The following ARMC7 variants were observed in gnomAD, a reference collection of about 807,000 sequenced individuals.
ARMC7 encodes the protein armadillo repeat containing 7.
ARMC7 carries 9 observed loss-of-function variants against 14.8 expected under a neutral mutation model. The observed-to-expected ratio is 0.61, with a 90% CI of 0.37 to 1.06. The LOEUF is 1.06. ARMC7 is among the 50% of genes least tolerant of loss of function. The probability of loss-of-function intolerance (pLI) is 0.01; values close to 1 mark genes in which losing one functional copy is unlikely to be tolerated. For synonymous variants in ARMC7, 125 were observed against 123.4 expected (o/e 1.01, Z -0.09); for missense variants, 262 against 267.1 (o/e 0.98, Z 0.13).
intron 2 of ARMC7, among the ~76,000 whole-genome samples, chr17:75,113,912 G>T (rs753669645): frequency 5.3e-5 from 8 of 152,176 alleles, no homozygotes; most frequent in Admixed American, 5.2e-4. Context: ...TGCAGCCGTG[G>T]GAGCAGGTTT....
Position 75,129,387 on chromosome 17 carries a change from C to T in ARMC7, c.*349C>T, listed in dbSNP as rs1190267893. On this transcript the variant is annotated 3_prime_UTR_variant, in exon 3 of 3. Coordinates refer to ENST00000245543, the MANE Select transcript of ARMC7 (RefSeq NM_024585.4). Reference sequence around the variant, plus strand: ...GTGTTCTCAGGAGCTGGGCCTGAGGCTTAGGAGAGCTGCCTTCGCTGCAGG... The same window carrying T: ...GTGTTCTCAGGAGCTGGGCCTGAGGTTTAGGAGAGCTGCCTTCGCTGCAGG... 1 of 328,574 alleles carries T rather than the reference C, an allele frequency of 3.0e-6. No homozygotes were observed. The highest frequency in any genetic ancestry group is 5.7e-5 in the East Asian group (1 of 17,628). 20.4% of individuals were successfully genotyped at this position (328,574 alleles called of 1,614,324 possible). A position where few individuals can be genotyped will look rare whatever the true frequency, so the allele number is the denominator to read the frequency against.
intron 1 of ARMC7, 24 bp downstream of exon 1, chr17:75,110,403 T>G (rs968816343): frequency 1.1e-5 from 18 of 1,614,022 alleles, no homozygotes; most frequent in Non-Finnish European, 1.3e-5. Context: ...TGGGATCAGG[T>G]GGCAGGGTCC....
chr17:75,110,977 A>AG (rs2073917448), intron 2 of ARMC7, among the ~76,000 whole-genome samples: 1 of 148,772 alleles, frequency 6.7e-6, no homozygotes, highest in Non-Finnish European at 1.5e-5. Context: ...AAAAAAAAAA[A>AG]GCCGCACACA....
chr17:75,115,890 T>C (rs764503601), intron 2 of ARMC7, among the ~76,000 whole-genome samples: 27 of 152,046 alleles, frequency 1.8e-4, no homozygotes, highest in Non-Finnish European at 3.2e-4. Context: ...TCTTTTAGGG[T>C]TAGTGTCTGC....
chr17:75,123,580 C>T (rs531863903), intron 2 of ARMC7, among the ~76,000 whole-genome samples: 4 of 152,030 alleles, frequency 2.6e-5, no homozygotes, highest in South Asian at 4.2e-4. Flanking sequence ...GTCTTGATCT[C>T]CTAATTTTGT....
chr17:75,116,213 C>T (rs2073971865), intron 2 of ARMC7, among the ~76,000 whole-genome samples: 1 of 152,226 alleles, frequency 6.6e-6, no homozygotes, highest in African/African-American at 2.4e-5. Flanking sequence ...CCACTGCATG[C>T]CAGGCGCTTG....
chr17:75,118,684 C>T (rs1385957038), intron 2 of ARMC7, among the ~76,000 whole-genome samples: 2 of 152,348 alleles, frequency 1.3e-5, no homozygotes, highest in Admixed American at 1.3e-4. Context: ...GCTGCCTTTT[C>T]TGCCCAGGGT....
At chr17:75,128,628 G>T in intron 2 of ARMC7, 49 bp from the exon 3 acceptor site, 1 of 1,564,186 alleles carries the variant, frequency 6.4e-7, no homozygotes, top group Non-Finnish European at 8.7e-7. Context: ...GGGGAGGTGG[G>T]AGGAGGCCCG....
Position 75,114,141 on chromosome 17 carries a change from G to A in ARMC7, c.235+3535G>A. Reference sequence around the variant, plus strand: ...TGGTCTCTAAAACGTCCTCCGTCCCGTCCCTTTTCGTGCCTCTGCCCCCAC... The same window carrying A: ...TGGTCTCTAAAACGTCCTCCGTCCCATCCCTTTTCGTGCCTCTGCCCCCAC... On this transcript the variant is annotated intron_variant, in intron 2 of 2. Coordinates refer to ENST00000245543, the MANE Select transcript of ARMC7 (RefSeq NM_024585.4). 1.0e-5 allele frequency: 4 copies of A among 401,312 alleles called. 1 individual carries two copies. Among genetic ancestry groups the A allele is most frequent in the Admixed American group, 4.4e-5 (1 of 22,740 alleles). The allele number at this position is 401,312 out of a possible 1,614,324, so 24.9% of individuals were successfully genotyped here. A position where few individuals can be genotyped will look rare whatever the true frequency, so the allele number is the denominator to read the frequency against.
intron 2 of ARMC7, among the ~76,000 whole-genome samples, chr17:75,125,952 G>C (rs1598171962): frequency 1.3e-5 from 2 of 152,346 alleles, no homozygotes; most frequent in Admixed American, 6.5e-5. Context: ...CAGTGGAGGA[G>C]GGTCCTTGGC....
intron 2 of ARMC7, among the ~76,000 whole-genome samples, chr17:75,113,415 C>T (rs1240154436): frequency 1.0e-4 from 15 of 149,864 alleles, no homozygotes; most frequent in Admixed American, 8.7e-4. Flanking sequence ...AGTGCAGTGG[C>T]GCGATCTCGG....
intron 2 of ARMC7, among the ~76,000 whole-genome samples, chr17:75,113,393 C>T (rs1161103615): frequency 1.3e-5 from 2 of 150,332 alleles, no homozygotes; most frequent in Admixed American, 6.7e-5. Flanking sequence ...CTTGCTCTGT[C>T]GCCCAGGCTG....
At chr17:75,117,573 G>A (rs1011373378) in intron 2 of ARMC7, among the ~76,000 whole-genome samples, 2 of 152,202 alleles carry the variant, frequency 1.3e-5, no homozygotes, top group Non-Finnish European at 2.9e-5. Context: ...AAGGGATGGG[G>A]CACAGATCAT....
Position 75,119,446 on chromosome 17 carries a change from G to GTTTTTTTTT in ARMC7, c.235+8846_235+8847insTTTTTTTTT. ...ACTTCTGAAAATACCCTGTGATACA[G>GTTTTTTTTT]TTTTTTCTTTTTTTTTTTTTGAGAC... On this transcript the variant is annotated intron_variant, in intron 2 of 2. Transcript: ENST00000245543. 1.7e-5 allele frequency among the ~76,000 whole-genome samples: 2 copies of GTTTTTTTTT among 120,068 alleles called. 1 individual carries two copies. Among genetic ancestry groups the GTTTTTTTTT allele is most frequent in the Non-Finnish European group, 3.3e-5 (2 of 61,292 alleles). 78.8% of individuals were successfully genotyped at this position (120,068 alleles called of 152,430 possible).
chr17:75,122,982 C>T (rs1391025086), intron 2 of ARMC7, among the ~76,000 whole-genome samples: 2 of 151,468 alleles, frequency 1.3e-5, no homozygotes, highest in Non-Finnish European at 2.9e-5. Flanking sequence ...CTTCTTCCCT[C>T]CTTCATCTTA....
intron 2 of ARMC7, among the ~76,000 whole-genome samples, chr17:75,127,169 T>C (rs1469669840): frequency 6.6e-6 from 1 of 151,782 alleles, no homozygotes; most frequent in Non-Finnish European, 1.5e-5. Context: ...AAGCCGGAAG[T>C]TCAAGACCAG....
Position 75,129,866 on chromosome 17 carries a change from G to T in ARMC7, c.*828G>T, listed in dbSNP as rs145357810. ...CTCAATGATGGGGAGCCCTACCCCA[G>T]AAGTGTATCCCACGAGGGCATCAGG... is the stretch of plus-strand genomic sequence containing the variant. On this transcript the variant is annotated 3_prime_UTR_variant, in exon 3 of 3. Transcript: ENST00000245543. The T allele has an allele frequency of 6.5e-6, 1 of 152,754 alleles. No individual in the cohort carries two copies. The highest frequency in any genetic ancestry group is 1.9e-4 in the East Asian group (1 of 5,176). The allele number at this position is 152,754 out of a possible 1,614,324, so 9.5% of individuals were successfully genotyped here.
intron 2 of ARMC7, among the ~76,000 whole-genome samples, chr17:75,115,246 C>T (rs953892754): frequency 1.3e-5 from 2 of 152,012 alleles, no homozygotes; most frequent in East Asian, 1.9e-4. Context: ...GGCTGTGGCT[C>T]GCAGAACCAA....
chr17:75,126,424 G>GT (rs1445854913), intron 2 of ARMC7, among the ~76,000 whole-genome samples: 2 of 152,076 alleles, frequency 1.3e-5, no homozygotes, highest in African/African-American at 2.4e-5. Context: ...CAGAATCCTA[G>GT]TAACGGTGAC....
Sources: gnomAD v4.1 joint callset for allele counts (sites outside exome capture counted in the v4.1 genomes callset) on GRCh38, gnomAD v4.1.1 for gene constraint, MANE v1.5 for transcripts, NCBI Gene and HGNC (gene_info 2026-07-23, HGNC 2026-07-21) for gene names.